Variants in SOX5 observed in about 807,000 individuals in gnomAD.
The protein encoded by SOX5 is SRY-box transcription factor 5, also known as transcription factor SOX-5.
SOX5 carries 9 observed loss-of-function variants against 92.0 expected under a neutral mutation model. That is an observed-to-expected ratio of 0.10 (90% CI 0.06 to 0.17). SOX5 has a LOEUF of 0.17. SOX5 is among the 10% of genes least tolerant of loss of function. The pLI, the probability that SOX5 is intolerant of heterozygous loss-of-function variation, is 1.00. For synonymous variants in SOX5, 344 were observed against 336.3 expected (o/e 1.02, Z -0.25); for missense variants, 642 against 944.5 (o/e 0.68, Z 4.20).
At chr12:23,845,530 T>C (rs1370471182) in intron 3 of SOX5, among the ~76,000 whole-genome samples, 1 of 152,180 alleles carries the variant, frequency 6.6e-6, no homozygotes, top group African/African-American at 2.4e-5. Context: ...CACTAATTTG[T>C]AAGTATATAA....
intron 8 of SOX5, among the ~76,000 whole-genome samples, chr12:23,617,888 C>T (rs1353052534): frequency 2.0e-5 from 3 of 152,172 alleles, no homozygotes; most frequent in Non-Finnish European, 2.9e-5. Context: ...GTTTCTCTTT[C>T]GCTCACTCCC....
At chr12:23,903,441 G>A (rs913332901) in intron 1 of SOX5, among the ~76,000 whole-genome samples, 12 of 152,220 alleles carry the variant, frequency 7.9e-5, no homozygotes, top group Admixed American at 2.6e-4. Context: ...AAAATTAGCC[G>A]GGTATGATGG....
chr12:24,095,318 C>T (rs1388441839), intron 4 of SOX5, among the ~76,000 whole-genome samples: 2 of 151,940 alleles, frequency 1.3e-5, no homozygotes, highest in Non-Finnish European at 2.9e-5. Context: ...TGTTTTCTTC[C>T]TTAACTCTAT....
chr12:23,773,376 C>CTTAT (rs1252459020), intron 3 of SOX5, among the ~76,000 whole-genome samples: 20 of 151,926 alleles, frequency 1.3e-4, no homozygotes, highest in African/African-American at 4.4e-4. Flanking sequence ...CAGGGCTTTA[C>CTTAT]TTATTTATTT....
chr12:23,712,843 T>C (rs2092173807), intron 6 of SOX5, among the ~76,000 whole-genome samples: 1 of 152,192 alleles, frequency 6.6e-6, no homozygotes, highest in Non-Finnish European at 1.5e-5. Flanking sequence ...CACTCATCCT[T>C]CTCTCTACTC....
chr12:23,878,178 A>G (rs1001634422), intron 2 of SOX5, among the ~76,000 whole-genome samples: 1 of 152,086 alleles, frequency 6.6e-6, no homozygotes, highest in African/African-American at 2.4e-5. Context: ...CACAAGAATT[A>G]GTAGTATAGT....
intron 2 of SOX5, among the ~76,000 whole-genome samples, chr12:23,876,151 A>T (rs2096924716): frequency 6.6e-6 from 1 of 152,142 alleles, no homozygotes; most frequent in Non-Finnish European, 1.5e-5. Flanking sequence ...AAAGTATAGT[A>T]AAAGGCACTG....
rs75579676 is a variant in SOX5, at chr12:24,130,919, A to C, written c.-2+82424T>G. ...CTCCATATTCCTACCTAGGACATCT[A>C]ACATCTAACACAGCCACAAGTGACT... On this transcript the variant is annotated intron_variant, in intron 4 of 4. Coordinates refer to the SOX5 transcript ENST00000446891. Among the ~76,000 whole-genome samples, 1,163 of 152,288 alleles carry C rather than the reference A, an allele frequency of 7.6e-3. 11 individuals carry two copies. The highest frequency in any genetic ancestry group is 0.026 in the African/African-American group (1,100 of 41,556).
intron 9 of SOX5, chr12:23,584,751 G>C: frequency 1.8e-6 from 1 of 568,040 alleles, no homozygotes; most frequent in Non-Finnish European, 3.1e-6. Context: ...GTGTGTGTAT[G>C]TGTGTGTGTT....
chr12:23,814,614 G>C (rs992807039), intron 3 of SOX5, among the ~76,000 whole-genome samples: 6 of 152,142 alleles, frequency 3.9e-5, no homozygotes, highest in African/African-American at 1.4e-4. Flanking sequence ...TGAATTACTG[G>C]AAGCATTTTT....
chr12:24,364,511 CATATAT>C (rs58135899), intron 2 of SOX5, among the ~76,000 whole-genome samples: 15,025 of 110,480 alleles, frequency 0.14, 1,243 homozygotes, highest in East Asian at 0.46. Flanking sequence ...AACATTTTTT[CATATAT>C]ATATATATAT....
At chr12:23,558,203 C>T (rs532176392) in intron 11 of SOX5, among the ~76,000 whole-genome samples, 1 of 152,198 alleles carries the variant, frequency 6.6e-6, no homozygotes, top group South Asian at 2.1e-4. Flanking sequence ...TGAAGATATC[C>T]CCTGATCTCA....
At chr12:23,839,739 A>G (rs931634983) in intron 3 of SOX5, among the ~76,000 whole-genome samples, 1 of 152,052 alleles carries the variant, frequency 6.6e-6, no homozygotes, top group East Asian at 1.9e-4. Context: ...ATATCAATAG[A>G]TGCAGAAAAA....
At chr12:24,548,576 C>T (rs1028038412) in intron 1 of SOX5, among the ~76,000 whole-genome samples, 3 of 152,132 alleles carry the variant, frequency 2.0e-5, no homozygotes, top group Non-Finnish European at 2.9e-5. Flanking sequence ...TGGATTTAAG[C>T]ACCTACTTTT....
At chr12:23,709,393 C>T (rs566244506) in intron 6 of SOX5, among the ~76,000 whole-genome samples, 79 of 152,128 alleles carry the variant, frequency 5.2e-4, no homozygotes, top group Non-Finnish European at 1.0e-3. Flanking sequence ...GCGTGAGCTA[C>T]AATGCCCAGA....
At chr12:24,414,844 T>A (rs1252656370) in intron 1 of SOX5, among the ~76,000 whole-genome samples, 2 of 152,194 alleles carry the variant, frequency 1.3e-5, no homozygotes, top group South Asian at 4.1e-4. Context: ...CACATGCCTA[T>A]GAAACTCTCC....
At chr12:24,490,869 C>T (rs1258716205) in intron 1 of SOX5, among the ~76,000 whole-genome samples, 1 of 152,156 alleles carries the variant, frequency 6.6e-6, no homozygotes, top group East Asian at 1.9e-4. Flanking sequence ...AACATTATAA[C>T]ACCAGGCCTC....
rs141388637 is a variant in SOX5 at position 23,641,387 on chromosome 12, A to T, written c.932-490T>A. 4.9e-3 allele frequency among the ~76,000 whole-genome samples: 754 copies of T among 152,338 alleles called. 4 individuals carry two copies. Among genetic ancestry groups the T allele is most frequent in the African/African-American group, 0.018 (732 of 41,582 alleles). ...AAATAATCTTAATCTCTTAAATAAT[A>T]TGGACAAATTAACAACGAAGAAAAC... On this transcript the variant is annotated intron_variant, in intron 7 of 14. Coordinates refer to ENST00000451604, the MANE Select transcript of SOX5 (RefSeq NM_006940.6).
chr12:23,947,595 A>G (rs1291847743), intron 1 of SOX5, among the ~76,000 whole-genome samples: 1 of 151,934 alleles, frequency 6.6e-6, no homozygotes, highest in East Asian at 1.9e-4. Context: ...CATTTTTCAG[A>G]ATTATTTTAG....
Sources: allele counts gnomAD v4.1 joint callset (sites outside exome capture counted in the v4.1 genomes callset), GRCh38; gene constraint gnomAD v4.1.1; transcripts MANE v1.5; gene names NCBI Gene and HGNC (gene_info 2026-07-23, HGNC 2026-07-21).